ALDH1L1: variants seen among roughly 807,000 people sequenced by gnomAD.
The protein encoded by ALDH1L1 is aldehyde dehydrogenase 1 family member L1.
In ALDH1L1, 68 loss-of-function variants were observed where a neutral mutation model predicts 101.1. The ratio of observed to expected loss-of-function variants is 0.67; its 90% CI spans 0.55 to 0.82. The LOEUF is 0.82. Ranked by LOEUF, ALDH1L1 falls within the 40% of genes least tolerant of loss-of-function variation. The probability of loss-of-function intolerance (pLI) is 0.00; values close to 1 mark genes in which losing one functional copy is unlikely to be tolerated. For missense variants in ALDH1L1, 1,087 were observed against 1,172.7 expected (o/e 0.93, Z 1.07); for synonymous variants, 486 against 470.8 (o/e 1.03, Z -0.42).
At chr3:126,121,109 C>T (rs1277333212) in intron 16 of ALDH1L1, among the ~76,000 whole-genome samples, 1 of 152,198 alleles carries the variant, frequency 6.6e-6, no homozygotes, top group Non-Finnish European at 1.5e-5. Flanking sequence ...ACAGACACCA[C>T]ATCTTCAGGG....
At position 126,112,790 on chromosome 3, in the gene ALDH1L1, G is replaced by A. The variant is rs150562024; in HGVS notation, c.2173C>T (p.Arg725Trp). Residue 725 changes from arginine to tryptophan, a missense_variant, in exon 19 of 23, where the codon CGG becomes TGG. Arg to Trp is a moderately radical substitution (Grantham distance 101, BLOSUM62 -3). This residue lies in a region of ALDH1L1 where 442 missense variants were observed against 535.7 expected (regional missense o/e 0.83). Coordinates refer to ENST00000393434, the MANE Select transcript of ALDH1L1 (RefSeq NM_012190.4). ...VEDSIHDEFV[R>W]RVVEEVRKMK... The stretch of plus-strand genomic sequence containing the variant: ...CCTGGGGCAGGACTTACCACTCTCC[G>A]CACGAACTCATCATGAATGGAGTCC... 32 of 1,612,852 alleles carry A rather than the reference G, an allele frequency of 2.0e-5. No homozygotes were observed. The highest frequency in any genetic ancestry group is 1.0e-4 in the Admixed American group (6 of 60,000).
At chr3:126,193,472 G>T (rs1264862112) in intron 1 of ALDH1L1, among the ~76,000 whole-genome samples, 1 of 151,992 alleles carries the variant, frequency 6.6e-6, no homozygotes, top group African/African-American at 2.4e-5. Context: ...TTTTTGCTGG[G>T]TTCTCACTTA....
At chr3:126,164,148 C>T (rs181309683) in intron 1 of ALDH1L1, among the ~76,000 whole-genome samples, 2 of 151,824 alleles carry the variant, frequency 1.3e-5, no homozygotes, top group Admixed American at 6.5e-5. Flanking sequence ...AAAGGCAAGG[C>T]AAGGCAAGGT....
At chr3:126,157,899 C>T (rs2080949000) in intron 3 of ALDH1L1, among the ~76,000 whole-genome samples, 1 of 152,200 alleles carries the variant, frequency 6.6e-6, no homozygotes, top group Admixed American at 6.5e-5. Flanking sequence ...TTTGACCACC[C>T]ATCTGCCTTG....
intron 14 of ALDH1L1, among the ~76,000 whole-genome samples, chr3:126,126,839 G>C (rs2080196986): frequency 6.6e-6 from 1 of 152,204 alleles, no homozygotes; most frequent in African/African-American, 2.4e-5. Context: ...ATTAGGATGT[G>C]GTAGCACTGG....
At chr3:126,196,295 AT>A (rs1432254440) in intron 1 of ALDH1L1, among the ~76,000 whole-genome samples, 1 of 151,652 alleles carries the variant, frequency 6.6e-6, no homozygotes, top group Non-Finnish European at 1.5e-5. Flanking sequence ...TTTTTATACC[AT>A]TTGGTCTGGT....
chr3:126,176,672 T>C (rs184556903), intron 1 of ALDH1L1, among the ~76,000 whole-genome samples: 35 of 152,314 alleles, frequency 2.3e-4, no homozygotes, highest in Non-Finnish European at 4.7e-4. Context: ...TTTGACTTTT[T>C]AGATACAACA....
At chr3:126,108,942 G>A (rs1398175577) in intron 20 of ALDH1L1, among the ~76,000 whole-genome samples, 1 of 152,184 alleles carries the variant, frequency 6.6e-6, no homozygotes, top group Non-Finnish European at 1.5e-5. Flanking sequence ...CCTGGCAGCT[G>A]TGTGAATAAA....
chr3:126,142,190 T>A (rs376458616), intron 9 of ALDH1L1, among the ~76,000 whole-genome samples: 1 of 148,152 alleles, frequency 6.7e-6, no homozygotes, highest in Non-Finnish European at 1.5e-5. Context: ...GTAAGGAAAC[T>A]GAATCAGTAA....
chr3:126,167,253 GA>G (rs1483405806), intron 1 of ALDH1L1, among the ~76,000 whole-genome samples: 16 of 152,036 alleles, frequency 1.1e-4, no homozygotes, highest in Non-Finnish European at 2.1e-4. Context: ...AAACAATAAG[GA>G]AAAAAGGAAC....
intron 15 of ALDH1L1, 124 bp from the exon 16 acceptor site, chr3:126,124,575 G>T: frequency 2.5e-6 from 2 of 791,640 alleles, no homozygotes; most frequent in Non-Finnish European, 4.2e-6. Flanking sequence ...TGCAGATTGT[G>T]GCACCAGGAA....
Position 126,159,516 on chromosome 3 carries a change from C to G in ALDH1L1, c.128-877G>C, listed in dbSNP as rs1386970533. 4 of 456,772 alleles carry G rather than the reference C, an allele frequency of 8.8e-6. No individual in the cohort carries two copies. The Admixed American group carries it at 9.4e-5, about 11-fold the overall frequency. 28.3% of individuals were successfully genotyped at this position (456,772 alleles called of 1,614,324 possible). On this transcript the variant is annotated intron_variant, in intron 2 of 22. Transcript: ENST00000393434. ...CTCTGGTGTGATGTTTGGGCCCTGA[C>G]TGGACTGGCTCTCCTCTCCGGTCTC...
chr3:126,185,466 C>T (rs556825269), upstream of ALDH1L1, among the ~76,000 whole-genome samples: 21 of 152,306 alleles, frequency 1.4e-4, no homozygotes, highest in South Asian at 2.1e-3. Context: ...ATGAAGAAAG[C>T]GGGTCTGGGT....
intron 1 of ALDH1L1, among the ~76,000 whole-genome samples, chr3:126,175,928 G>T (rs565329672): frequency 6.6e-6 from 1 of 152,104 alleles, no homozygotes; most frequent in Non-Finnish European, 1.5e-5. Context: ...AACATAATTG[G>T]CTATGTGGAA....
At chr3:126,147,446 C>CT (rs2080718398) in intron 8 of ALDH1L1, among the ~76,000 whole-genome samples, 1 of 152,218 alleles carries the variant, frequency 6.6e-6, no homozygotes, top group African/African-American at 2.4e-5. Flanking sequence ...CACCAAGATG[C>CT]TAACTGGTCT....
chr3:126,106,582 G>C (rs1945880098), intron 21 of ALDH1L1, among the ~76,000 whole-genome samples: 1 of 152,118 alleles, frequency 6.6e-6, no homozygotes, highest in African/African-American at 2.4e-5. Context: ...ATTCTAAAGA[G>C]CTAGATTATA....
At chr3:126,192,528 C>T (rs1021251187) in intron 1 of ALDH1L1, among the ~76,000 whole-genome samples, 3 of 152,272 alleles carry the variant, frequency 2.0e-5, no homozygotes, top group East Asian at 1.9e-4. Context: ...CAACAGATCT[C>T]GTTCAGGAGG....
In ALDH1L1 at chr3:126,146,916, T is replaced by C. The variant is rs1278156082; in HGVS notation, c.995A>G (p.Gln332Arg). The C allele has an allele frequency of 6.2e-7, 1 of 1,613,810 alleles. No individual in the cohort carries two copies. The highest frequency in any genetic ancestry group is 1.7e-5 in the Admixed American group (1 of 59,986). Reference protein sequence around the residue: ...VTAEAVRSVWQRILPKVLEVE... With the variant: ...VTAEAVRSVWRRILPKVLEVE... ...CTCCAGGACTTTGGGGAGGATCCGC[T>C]GCCAAACACTCTGCAAAGCAAGACC... Residue 332 changes from glutamine to arginine, a missense_variant, in exon 9 of 23, where the codon CAG becomes CGG. Physicochemically the swap from Gln to Arg is conservative, Grantham distance 43 (BLOSUM62 1). Transcript: ENST00000393434.
intron 12 of ALDH1L1, among the ~76,000 whole-genome samples, chr3:126,131,962 C>T (rs770101525): frequency 2.0e-5 from 3 of 152,230 alleles, no homozygotes; most frequent in Non-Finnish European, 4.4e-5. Flanking sequence ...CTGTTCAGTC[C>T]AGGATGGTGG....
Sources: gnomAD v4.1 joint callset for allele counts (sites outside exome capture counted in the v4.1 genomes callset) on GRCh38, gnomAD v4.1.1 for gene constraint, gnomAD v4.1.1 regional missense constraint, MANE v1.5 for transcripts, NCBI Gene and HGNC (gene_info 2026-07-23, HGNC 2026-07-21) for gene names.